Variants in KNDC1 observed in about 807,000 individuals in gnomAD.
KNDC1 encodes the protein kinase non-catalytic C-lobe domain-containing protein 1.
KNDC1 carries 106 observed loss-of-function variants against 172.8 expected under a neutral mutation model. That is an observed-to-expected ratio of 0.61 (90% CI 0.52 to 0.72). The LOEUF is 0.72. Ranked by LOEUF, KNDC1 falls within the 30% of genes least tolerant of loss-of-function variation. The probability of loss-of-function intolerance (pLI) is 0.00; values close to 1 mark genes in which losing one functional copy is unlikely to be tolerated. For synonymous variants in KNDC1, 1,083 were observed against 1,062.2 expected (o/e 1.02, Z -0.38); for missense variants, 2,325 against 2,394.5 (o/e 0.97, Z 0.61).
chr10:133,164,380 T>A (rs1042100520), intron 1 of KNDC1: 5 of 152,198 alleles, frequency 3.3e-5, no homozygotes, highest in Non-Finnish European at 7.3e-5. Context: ...CACAACAAGG[T>A]CAGACTGTAT....
intron 28 of KNDC1, 81 bp from the exon 29 acceptor site, chr10:133,219,874 G>A (rs1171823432): frequency 7.2e-7 from 1 of 1,390,750 alleles, no homozygotes; most frequent in East Asian, 2.6e-5. Flanking sequence ...GGGACTGGTT[G>A]GGCTGCGCTG....
chr10:133,201,859 G>T lies in KNDC1; in HGVS notation c.3348G>T (p.Arg1116=). The part of the protein sequence containing the change: ...DVHNYVKDLG[R]QQADGALPDA... ...ACAACTACGTGAAGGACCTGGGGCGGCAGCAGGCGGACGGGGCCCTGCCCG... is the reference window on the plus strand; with the variant it reads ...ACAACTACGTGAAGGACCTGGGGCGTCAGCAGGCGGACGGGGCCCTGCCCG... The change falls in exon 17 of 30, where the codon CGG becomes CGT. Residue 1116 remains arginine (R), a synonymous_variant. Transcript: ENST00000304613. The T allele has an allele frequency of 6.8e-7, 1 of 1,477,990 alleles. No homozygotes were observed. Among genetic ancestry groups the T allele is most frequent in the Non-Finnish European group, 9.0e-7 (1 of 1,115,670 alleles). The allele number at this position is 1,477,990 out of a possible 1,614,324, so 91.6% of individuals were successfully genotyped here. A position where few individuals can be genotyped will look rare whatever the true frequency, so the allele number is the denominator to read the frequency against.
Position 133,206,926 on chromosome 10 carries a change from C to T in KNDC1, c.3552C>T (p.Phe1184=). 6.2e-7 allele frequency: 1 copy of T among 1,614,068 alleles called. No homozygotes were observed. Among genetic ancestry groups the T allele is most frequent in the Non-Finnish European group, 8.5e-7 (1 of 1,180,014 alleles). Residue 1184 remains phenylalanine (F), a synonymous_variant, in exon 19 of 30, where the codon TTC becomes TTT. Coordinates refer to ENST00000304613, the MANE Select transcript of KNDC1 (RefSeq NM_152643.8). The part of the protein sequence containing the change: ...QLEEMKSRVQ[F]LSLVKKYLQV... ...AAGAAATGAAATCCAGGGTGCAATT[C>T]CTCAGCTTGGTCAAGAAGTATCTGC... is the stretch of plus-strand genomic sequence containing the variant.
rs760086891 is a variant in KNDC1, at chr10:133,200,381, C to A, written c.2910C>A (p.Ala970=). The change falls in exon 16 of 30, where the codon GCC becomes GCA. Residue 970 remains alanine, a synonymous_variant. Coordinates refer to ENST00000304613, the MANE Select transcript of KNDC1 (RefSeq NM_152643.8). The stretch of plus-strand genomic sequence containing the variant: ...CCTGCATTCTCGTCGTCAGCACGGC[C>A]GAGGAGGCTGGGTCACAGCTCGAGG... ...NGQASPSPST[A]EEAGSQLEGS... is the part of the protein sequence containing the mutation. 6.3e-6 allele frequency: 10 copies of A among 1,591,224 alleles called. No individual in the cohort carries two copies. Among genetic ancestry groups the A allele is most frequent in the South Asian group, 3.4e-5 (3 of 88,168 alleles).
intron 3 of KNDC1, among the ~76,000 whole-genome samples, chr10:133,174,408 GAAGATGGGGAACTTCCAACACA>G (rs1853466834): frequency 1.4e-5 from 2 of 142,176 alleles, no homozygotes; most frequent in Non-Finnish European, 3.1e-5. Flanking sequence ...GAAGGGCGGT[GAAGATGGGGAACTTCCAACACA>G]GAAGGAAGGG....
At chr10:133,190,227 G>T (rs534518247) in intron 9 of KNDC1, among the ~76,000 whole-genome samples, 1 of 152,280 alleles carries the variant, frequency 6.6e-6, no homozygotes, top group South Asian at 2.1e-4. Flanking sequence ...CACCGAGGAA[G>T]AGCACTAAGT....
In KNDC1 at chr10:133,222,447, G is replaced by A. The variant is rs1459364064; in HGVS notation, c.5019-2212G>A. Among the ~76,000 whole-genome samples, 98 of 17,738 alleles carry A rather than the reference G, an allele frequency of 5.5e-3. 2 individuals are homozygous for A. The highest frequency in any genetic ancestry group is 0.021 in the Admixed American group (29 of 1,408). 11.6% of individuals were successfully genotyped at this position (17,738 alleles called of 152,430 possible). ...CCCATCCAGGCATGCTCTTCCCGGC[G>A]TGTGTGTGTGTGTGTGAGAGCCCAT... On this transcript the variant is annotated intron_variant, in intron 29 of 29. Transcript: ENST00000304613.
chr10:133,221,164 C>A (rs1430878658), intron 29 of KNDC1, among the ~76,000 whole-genome samples: 1 of 152,106 alleles, frequency 6.6e-6, no homozygotes, highest in Non-Finnish European at 1.5e-5. Context: ...GCAACCTGTC[C>A]TGACCGCTGG....
At chr10:133,219,177 A>C in intron 28 of KNDC1, 87 bp downstream of exon 28, 10 of 1,464,746 alleles carry the variant, frequency 6.8e-6, no homozygotes, top group Non-Finnish European at 8.4e-6. Flanking sequence ...CCGCACCCAG[A>C]CGCAGGCACC....
At chr10:133,164,570 C>T (rs1853086174) in intron 1 of KNDC1, among the ~76,000 whole-genome samples, 1 of 152,224 alleles carries the variant, frequency 6.6e-6, no homozygotes. Flanking sequence ...AAGTGTCTGC[C>T]ACAGCCCATT....
At chr10:133,222,513 C>G in intron 29 of KNDC1, among the ~76,000 whole-genome samples, 3 of 48,190 alleles carry the variant, frequency 6.2e-5, no homozygotes, top group African/African-American at 2.2e-4. Context: ...GTGTGTGAGC[C>G]CATCCAGGCA....
At chr10:133,218,740 C>A in intron 26 of KNDC1, 91 bp from the exon 27 acceptor site, 1 of 1,488,228 alleles carries the variant, frequency 6.7e-7, no homozygotes, top group Non-Finnish European at 9.1e-7. Context: ...GCTCTTGTGT[C>A]TTGGAGCTGG....
Position 133,209,998 on chromosome 10 carries a change from C to T in KNDC1, c.3795-613C>T, listed in dbSNP as rs1045355902. On this transcript the variant is annotated intron_variant, in intron 20 of 29. Transcript: ENST00000304613. The surrounding 1 kb of genome is among the most constrained non-coding windows in gnomAD (Gnocchi z 4.9). ...ACCTTTGAGCGTGCAGCATTGCGCC[C>T]GGTCCCGAGGCACCAGCTCCCTCAG... is the stretch of plus-strand genomic sequence containing the variant. Among the ~76,000 whole-genome samples, 2 of 152,054 alleles carry T rather than the reference C, an allele frequency of 1.3e-5. No homozygotes were observed. Among genetic ancestry groups the T allele is most frequent in the African/African-American group, 2.4e-5 (1 of 41,390 alleles).
chr10:133,167,400 A>T lies in KNDC1; in HGVS notation c.122A>T (p.Asp41Val). Residue 41 changes from aspartate to valine, a missense_variant, in exon 2 of 30, where the codon GAC (aspartate) becomes GTC (valine). Transcript: ENST00000304613. ...PEDEENVSLA[D>V]ILSLRDRGLS... ...TGGCAGGAGAACGTGTCTCTGGCTG[A>T]CATCCTCTCCCTGCGGGACCGCGGC... is the stretch of plus-strand genomic sequence containing the variant. The T allele has an allele frequency of 6.3e-7, 1 of 1,592,978 alleles. No homozygotes were observed. Among genetic ancestry groups the T allele is most frequent in the Non-Finnish European group, 8.5e-7 (1 of 1,171,630 alleles).
At chr10:133,185,870 G>A (rs1344542437) in intron 5 of KNDC1, 104 bp from the exon 6 acceptor site, 12 of 514,912 alleles carry the variant, frequency 2.3e-5, no homozygotes, top group Non-Finnish European at 3.3e-5. Flanking sequence ...TGGGAGGGGA[G>A]GGGTGGGAGG....
rs549442831 is a variant in KNDC1, at chr10:133,216,209, G to C, written c.4677+2087G>C. Among the ~76,000 whole-genome samples the C allele has an allele frequency of 9.9e-5, 15 of 152,256 alleles. No homozygotes were observed. The South Asian group carries it at 1.7e-3, about 17-fold the overall frequency. ...GCTCCGTTCTGACGATGCCTGGAGT[G>C]AGGCGAGGTGGAGACACAAGGGCAG... is the stretch of plus-strand genomic sequence containing the variant. On this transcript the variant is annotated intron_variant, in intron 26 of 29. Transcript: ENST00000304613.
At chr10:133,166,612 T>G (rs568238023) in intron 1 of KNDC1, among the ~76,000 whole-genome samples, 9 of 152,256 alleles carry the variant, frequency 5.9e-5, no homozygotes, top group African/African-American at 2.2e-4. Flanking sequence ...TGCACACACC[T>G]TGCACCAGCG....
chr10:133,222,162 A>G (rs1416374049), intron 29 of KNDC1, among the ~76,000 whole-genome samples: 11 of 150,142 alleles, frequency 7.3e-5, no homozygotes, highest in African/African-American at 2.2e-4. Context: ...GGGCGCCTGT[A>G]GTCCCAGCTA....
At chr10:133,183,172 C>CGGCGTG (rs1853775411) in intron 3 of KNDC1, among the ~76,000 whole-genome samples, 172 bp from the exon 4 acceptor site, 2 of 148,020 alleles carry the variant, frequency 1.4e-5, no homozygotes, top group African/African-American at 5.0e-5. Flanking sequence ...AGGGTGCCAG[C>CGGCGTG]GGCGTGGGCG....
Sources: gnomAD v4.1 joint callset for allele counts (sites outside exome capture counted in the v4.1 genomes callset) on GRCh38, gnomAD v4.1.1 for gene constraint, Gnocchi (gnomAD v3.1) non-coding constraint, MANE v1.5 for transcripts, NCBI Gene and HGNC (gene_info 2026-07-23, HGNC 2026-07-21) for gene names.